RBFOX1: variants seen among roughly 807,000 people sequenced by gnomAD.
The protein encoded by RBFOX1 is RNA binding protein fox-1 homolog 1.
RBFOX1 carries 8 observed loss-of-function variants against 57.7 expected under a neutral mutation model. That is an observed-to-expected ratio of 0.14 (90% confidence interval 0.08 to 0.25). The LOEUF is 0.25. RBFOX1 is among the 10% of genes least tolerant of loss of function. The pLI is 1.00. For missense variants in RBFOX1, 611 were observed against 548.5 expected (o/e 1.11, Z -1.14); for synonymous variants, 326 against 222.4 (o/e 1.47, Z -4.15).
intron 3 of RBFOX1, among the ~76,000 whole-genome samples, chr16:6,875,838 C>G (rs2061735944): frequency 1.3e-5 from 2 of 151,762 alleles, no homozygotes; most frequent in African/African-American, 2.4e-5. Flanking sequence ...AACCTCATCT[C>G]TACAAAAAAA....
chr16:6,595,175 G>A (rs2097764752), intron 2 of RBFOX1, among the ~76,000 whole-genome samples: 1 of 152,134 alleles, frequency 6.6e-6, no homozygotes, highest in African/African-American at 2.4e-5. Context: ...TATTGCTCCA[G>A]AAAGACACGT....
At chr16:5,551,480 C>T (rs756365171) in intron 2 of RBFOX1, among the ~76,000 whole-genome samples, 4 of 152,166 alleles carry the variant, frequency 2.6e-5, no homozygotes, top group Admixed American at 1.3e-4. Flanking sequence ...CAGGGAGTTC[C>T]GGCTTCCTTA....
At chr16:7,274,515 G>C (rs926201189) in intron 4 of RBFOX1, among the ~76,000 whole-genome samples, 1 of 152,068 alleles carries the variant, frequency 6.6e-6, no homozygotes, top group Non-Finnish European at 1.5e-5. Flanking sequence ...ATGCCTGAGA[G>C]TTTGGGACTT....
At chr16:6,652,498 A>T (rs1193672562) in intron 2 of RBFOX1, among the ~76,000 whole-genome samples, 2 of 151,928 alleles carry the variant, frequency 1.3e-5, no homozygotes, top group Non-Finnish European at 2.9e-5. Flanking sequence ...TCTCTCTCAG[A>T]AAGTATAGAG....
chr16:6,837,466 AG>A (rs2093181915), intron 3 of RBFOX1, among the ~76,000 whole-genome samples: 1 of 152,200 alleles, frequency 6.6e-6, no homozygotes, highest in African/African-American at 2.4e-5. Flanking sequence ...GCCACTCAGA[AG>A]GTGATGAGAA....
chr16:7,031,543 C>A (rs1423431509), intron 3 of RBFOX1, among the ~76,000 whole-genome samples: 1 of 151,546 alleles, frequency 6.6e-6, no homozygotes, highest in Non-Finnish European at 1.5e-5. Context: ...CTGCAGTGAG[C>A]CAAGCCAAGA....
chr16:7,249,873 A>G (rs2094444426), intron 4 of RBFOX1, among the ~76,000 whole-genome samples: 1 of 152,220 alleles, frequency 6.6e-6, no homozygotes, highest in Non-Finnish European at 1.5e-5. Flanking sequence ...GCCTTTTGAT[A>G]CACATTGTTA....
intron 12 of RBFOX1, among the ~76,000 whole-genome samples, chr16:7,654,640 G>GA (rs200225285): frequency 0.011 from 1,713 of 149,456 alleles, 22 homozygotes; most frequent in East Asian, 0.029. Flanking sequence ...CTCAGTAAAA[G>GA]AAAAAAAAAA....
intron 4 of RBFOX1, among the ~76,000 whole-genome samples, chr16:7,504,757 A>ATATATATATATATATT (rs2072497447): frequency 3.2e-4 from 3 of 9,390 alleles, no homozygotes; most frequent in African/African-American, 8.3e-4. Context: ...ATATATATTT[A>ATATATATATATATATT]TATATATATA....
intron 2 of RBFOX1, among the ~76,000 whole-genome samples, chr16:6,645,359 C>T (rs1025460484): frequency 6.6e-6 from 1 of 152,120 alleles, no homozygotes; most frequent in Admixed American, 6.5e-5. Flanking sequence ...CTACTCACTT[C>T]TAAATCCTCT....
At chr16:6,891,935 C>T (rs1303713473) in intron 3 of RBFOX1, among the ~76,000 whole-genome samples, 2 of 152,128 alleles carry the variant, frequency 1.3e-5, no homozygotes, top group Non-Finnish European at 1.5e-5. Flanking sequence ...AGTCGGTTTT[C>T]TGAGAAGGAG....
chr16:5,777,828 A>G (rs563681387), intron 3 of RBFOX1, among the ~76,000 whole-genome samples: 1 of 152,332 alleles, frequency 6.6e-6, no homozygotes, highest in South Asian at 2.1e-4. Context: ...CCTTTAAAAA[A>G]TATGCCCTTG....
At chr16:7,528,636 T>G (rs781415779) in intron 5 of RBFOX1, among the ~76,000 whole-genome samples, 10 of 152,160 alleles carry the variant, frequency 6.6e-5, no homozygotes, top group Non-Finnish European at 7.3e-5. Flanking sequence ...TACTGCCTCC[T>G]GAGTAGCTGG....
chr16:6,311,295 C>CAAAAAAAAAAAAAAAAAAAAAAAAAAAAA, intron 1 of RBFOX1, among the ~76,000 whole-genome samples: 1 of 91,236 alleles, frequency 1.1e-5, no homozygotes, highest in South Asian at 4.6e-4. Context: ...GACTCTGTCT[C>CAAAAAAAAAAAAAAAAAAAAAAAAAAAAA]AAAAAAAAAA....
intron 4 of RBFOX1, among the ~76,000 whole-genome samples, chr16:7,262,052 G>A (rs1603457602): frequency 6.6e-6 from 1 of 152,158 alleles, no homozygotes; most frequent in African/African-American, 2.4e-5. Context: ...AAGCAATTAT[G>A]TACCTTTTTG....
At chr16:5,597,702 A>G (rs1359136226) in intron 2 of RBFOX1, among the ~76,000 whole-genome samples, 2 of 152,066 alleles carry the variant, frequency 1.3e-5, no homozygotes, top group Admixed American at 1.3e-4. Context: ...GGCATTGCTG[A>G]CACTTTTGAG....
Position 6,256,229 on chromosome 16 carries a change from ATATG to A in RBFOX1, c.-126-60764_-126-60761del, listed in dbSNP as rs374166723. Among the ~76,000 whole-genome samples, 73 of 58,904 alleles carry A rather than the reference ATATG, an allele frequency of 1.2e-3. 1 individual carries two copies. Among genetic ancestry groups the A allele is most frequent in the South Asian group, 1.2e-3 (2 of 1,692 alleles). 38.6% of individuals were successfully genotyped at this position (58,904 alleles called of 152,430 possible). A position where few individuals can be genotyped will look rare whatever the true frequency, so the allele number is the denominator to read the frequency against. On this transcript the variant is annotated intron_variant, in intron 1 of 15. Transcript: ENST00000550418. Reference sequence around the variant, plus strand: ...TATATGTGTATATATATGTATATATATATGTGTATATATATATGTATATATATGT... The same window carrying A: ...TATATGTGTATATATATGTATATATATGTATATATATATGTATATATATGT...
At chr16:6,095,384 C>G (rs1193923794) in intron 1 of RBFOX1, among the ~76,000 whole-genome samples, 1 of 152,200 alleles carries the variant, frequency 6.6e-6, no homozygotes, top group Non-Finnish European at 1.5e-5. Context: ...ACACCTCACT[C>G]TTTTTACGGC....
chr16:5,701,265 A>G (rs2151482289), intron 3 of RBFOX1, among the ~76,000 whole-genome samples: 1 of 152,358 alleles, frequency 6.6e-6, no homozygotes, highest in South Asian at 2.1e-4. Context: ...AAGCTAAAAT[A>G]CAGCATAACA....
Sources: gnomAD v4.1 joint callset for allele counts (sites outside exome capture counted in the v4.1 genomes callset) on GRCh38, gnomAD v4.1.1 for gene constraint, MANE v1.5 for transcripts, NCBI Gene and HGNC (gene_info 2026-07-23, HGNC 2026-07-21) for gene names.